Variants in L3MBTL1 observed in about 807,000 individuals in gnomAD.
L3MBTL1 encodes the protein lethal(3)malignant brain tumor-like protein 1.
In L3MBTL1, 75 loss-of-function variants were observed where a neutral mutation model predicts 105.3. The ratio of observed to expected loss-of-function variants is 0.71; its 90% CI spans 0.59 to 0.86. L3MBTL1 has a LOEUF of 0.86. Ranked by LOEUF, L3MBTL1 falls within the 40% of genes least tolerant of loss-of-function variation. L3MBTL1 has a pLI of 0.00. For synonymous variants in L3MBTL1, 452 were observed against 436.2 expected (o/e 1.04, Z -0.45); for missense variants, 1,069 against 1,126.4 (o/e 0.95, Z 0.73).
chr20:43,541,178 T>C lies in L3MBTL1; in HGVS notation c.*50T>C. On this transcript the variant is annotated 3_prime_UTR_variant, in exon 22 of 22. Transcript: ENST00000418998. ...CAATATAGTTGATAATTAAAGTGTA[T>C]TTTGAATGACACAGATATTGTGATT... is the stretch of plus-strand genomic sequence containing the variant. 2 of 1,584,686 alleles carry C rather than the reference T, an allele frequency of 1.3e-6. No individual in the cohort carries two copies. The highest frequency in any genetic ancestry group is 1.7e-6 in the Non-Finnish European group (2 of 1,162,022).
In L3MBTL1 at chr20:43,516,095, G is replaced by T; in HGVS notation, c.780G>T (p.Glu260Asp). The change falls in exon 7 of 22, where the codon GAG (glutamate) becomes GAT (aspartate). Residue 260 changes from glutamate (E) to aspartate (D), a missense_variant and splice_region_variant. Transcript: ENST00000418998. Reference protein sequence around the residue: ...SEEESEPEAMEKQEEGKDPEG... With the variant: ...SEEESEPEAMDKQEEGKDPEG... The stretch of plus-strand genomic sequence containing the variant: ...GGGATCAGGCTTGCCTTCTACAGGA[G>T]AAGCAAGAAGAAGGAAAGGACCCAG... 6.2e-7 allele frequency: 1 copy of T among 1,612,774 alleles called. No individual in the cohort carries two copies. The highest frequency in any genetic ancestry group is 8.5e-7 in the Non-Finnish European group (1 of 1,178,872).
intron 19 of L3MBTL1, among the ~76,000 whole-genome samples, chr20:43,538,498 G>A (rs2019745838): frequency 6.6e-6 from 1 of 152,204 alleles, no homozygotes; most frequent in East Asian, 1.9e-4. Context: ...GTCACTCTGG[G>A]TTTTGTTCCA....
rs1197487217 is a variant in L3MBTL1 at position 43,528,716 on chromosome 20, A to G, written c.922A>G (p.Ile308Val). 3.0e-5 allele frequency: 48 copies of G among 1,613,752 alleles called. No individual in the cohort carries two copies. The Admixed American group carries it at 7.8e-4, about 26-fold the overall frequency. The change falls in exon 8 of 22, where the codon ATT becomes GTT. Residue 308 changes from isoleucine (I) to valine (V), a missense_variant. Physicochemically the swap from Ile to Val is conservative, Grantham distance 29. Transcript: ENST00000418998. Reference sequence around the variant, plus strand: ...GTCCTACCTAGAGGAGCAGAAGGCCATTACTGCTCCAGTCAGCCTCTTCCA... The same window carrying G: ...GTCCTACCTAGAGGAGCAGAAGGCCGTTACTGCTCCAGTCAGCCTCTTCCA... The part of the protein sequence containing the change: ...WESYLEEQKA[I>V]TAPVSLFQDS...
At position 43,540,811 on chromosome 20, in the gene L3MBTL1, A is replaced by T. The variant is rs1484002046; in HGVS notation, c.2390A>T (p.Asp797Val). ...GCEDQARLFKDEARIVRVTHV... is the reference protein window; with the variant it reads ...GCEDQARLFKVEARIVRVTHV... The stretch of plus-strand genomic sequence containing the variant: ...GAGGACCAAGCACGCCTCTTCAAAG[A>T]CGAGGTAAGGTGCAAGTGCAGAGTG... Residue 797 changes from aspartate (D) to valine (V), a missense_variant, in exon 21 of 22, where the codon GAC (aspartate) becomes GTC (valine). By Grantham distance (152) the Asp-to-Val change is radical (BLOSUM62 -3). Transcript: ENST00000418998. 1 of 1,614,154 alleles carries T rather than the reference A, an allele frequency of 6.2e-7. No individual in the cohort carries two copies. Among genetic ancestry groups the T allele is most frequent in the South Asian group, 1.1e-5 (1 of 91,064 alleles).
At chr20:43,538,704 T>A (rs1340682764) in intron 19 of L3MBTL1, among the ~76,000 whole-genome samples, 1 of 152,176 alleles carries the variant, frequency 6.6e-6, no homozygotes, top group East Asian at 1.9e-4. Context: ...TGCAGTTAGA[T>A]AAGACACTGT....
rs75471272 is a variant in L3MBTL1, at chr20:43,530,386, G to A, written c.1159G>A (p.Glu387Lys). 2.8e-5 allele frequency: 46 copies of A among 1,614,152 alleles called. 1 individual carries two copies. The East Asian group carries it at 6.5e-4, about 23-fold the overall frequency. ...TGACATTCACCCTGCTGGCTGGTTCGAGAAGACGGGCCACAAGCTGCAGCC... is the reference window on the plus strand; with the variant it reads ...TGACATTCACCCTGCTGGCTGGTTCAAGAAGACGGGCCACAAGCTGCAGCC... ...SPDIHPAGWF[E>K]KTGHKLQPPK... Residue 387 changes from glutamate (E) to lysine (K), a missense_variant, in exon 10 of 22, where the codon GAG (glutamate) becomes AAG (lysine). Transcript: ENST00000418998.
At chr20:43,547,073 C>T (rs1371476099) in intron 18 of L3MBTL1, among the ~76,000 whole-genome samples, 4 of 151,054 alleles carry the variant, frequency 2.6e-5, no homozygotes, top group African/African-American at 9.7e-5. Context: ...AGAAGAGCCC[C>T]TCCCATCCTT....
At position 43,513,932 on chromosome 20, in the gene L3MBTL1, C is replaced by T. The variant is rs574463356; in HGVS notation, c.231C>T (p.Ala77=). Reference sequence around the variant, plus strand: ...ATGTGGGTGCCCCGGAGCAAGTGGCCGGCTGCGAACCAGTTTCTGCCACCG... The same window carrying T: ...ATGTGGGTGCCCCGGAGCAAGTGGCTGGCTGCGAACCAGTTTCTGCCACCG... The part of the protein sequence containing the change: ...PIHVGAPEQV[A]GCEPVSATVL... Residue 77 remains alanine, a synonymous_variant, in exon 3 of 22, where the codon GCC becomes GCT. Coordinates refer to ENST00000418998, the MANE Select transcript of L3MBTL1 (RefSeq NM_001377303.1). 81 of 1,550,250 alleles carry T rather than the reference C, an allele frequency of 5.2e-5. No individual in the cohort carries two copies. In the African/African-American group the frequency reaches 8.6e-4, roughly 16 times the overall value.
chr20:43,526,418 G>C (rs1379836149), intron 7 of L3MBTL1, among the ~76,000 whole-genome samples: 4 of 152,190 alleles, frequency 2.6e-5, no homozygotes, highest in Non-Finnish European at 5.9e-5. Flanking sequence ...TACTCAGTAA[G>C]AATGGAGGAA....
chr20:43,542,235 G>A (rs1269616229), downstream of L3MBTL1, among the ~76,000 whole-genome samples: 1 of 152,172 alleles, frequency 6.6e-6, no homozygotes, highest in African/African-American at 2.4e-5. Context: ...AAAGTAGTTG[G>A]CTCTTCTTGC....
At position 43,535,921 on chromosome 20, in the gene L3MBTL1, A is replaced by G; in HGVS notation, c.1910A>G (p.Tyr637Cys). 6.2e-7 allele frequency: 1 copy of G among 1,613,124 alleles called. No homozygotes were observed. Among genetic ancestry groups the G allele is most frequent in the Non-Finnish European group, 8.5e-7 (1 of 1,179,492 alleles). ...RSLPHTRTSKYSFHHRKCPTP... is the reference protein window; with the variant it reads ...RSLPHTRTSKCSFHHRKCPTP... ...CTGCCCCACACTAGGACCTCCAAAT[A>G]CAGCTTTCACCACCGGTGAGTGAAG... Residue 637 changes from tyrosine (Y) to cysteine (C), a missense_variant, in exon 17 of 22, where the codon TAC (tyrosine) becomes TGC (cysteine). Coordinates refer to ENST00000418998, the MANE Select transcript of L3MBTL1 (RefSeq NM_001377303.1).
intron 15 of L3MBTL1, 111 bp downstream of exon 15, chr20:43,534,505 C>T (rs1277060193): frequency 4.2e-5 from 35 of 837,384 alleles, no homozygotes; most frequent in Middle Eastern, 2.2e-4. Context: ...AGCCAAAGAT[C>T]TTGAATCTCA....
rs1469687596 is a variant in L3MBTL1, at chr20:43,515,123, C to T, written c.617C>T (p.Ser206Phe). Residue 206 changes from serine (S) to phenylalanine (F), a missense_variant, in exon 5 of 22, where the codon TCC (serine) becomes TTC (phenylalanine). Ser to Phe is a radical substitution (Grantham distance 155, BLOSUM62 -2). Transcript: ENST00000418998. ...PHQAAGPDLG[S>F]SNDGCPQLFQ... ...CAAGCCGCGGGTCCAGATCTTGGTT[C>T]CTCTAATGATGGCTGCCCTCAGCTG... The T allele has an allele frequency of 1.2e-6, 2 of 1,614,156 alleles. No homozygotes were observed. The highest frequency in any genetic ancestry group is 1.7e-6 in the Non-Finnish European group (2 of 1,180,002).
chr20:43,549,788 T>A (rs1160547110), exon 19 of L3MBTL1: 4 of 152,238 alleles, frequency 2.6e-5, no homozygotes, highest in African/African-American at 9.7e-5. Flanking sequence ...GGTGCAGATG[T>A]GAGGCTTAGT....
intron 1 of L3MBTL1, among the ~76,000 whole-genome samples, chr20:43,512,781 T>C (rs1412082944): frequency 6.6e-6 from 1 of 152,260 alleles, no homozygotes; most frequent in Non-Finnish European, 1.5e-5. Context: ...TTTATGTCTT[T>C]ACCTGTTGAA....
chr20:43,534,748 C>G, intron 15 of L3MBTL1, 80 bp from the exon 16 acceptor site: 6 of 980,716 alleles, frequency 6.1e-6, no homozygotes, highest in Non-Finnish European at 9.4e-6. Flanking sequence ...TCTGACAGGT[C>G]CCAGGGATGG....
intron 19 of L3MBTL1, among the ~76,000 whole-genome samples, chr20:43,536,942 G>A (rs1374588184): frequency 1.3e-5 from 2 of 152,200 alleles, no homozygotes; most frequent in African/African-American, 4.8e-5. Context: ...CATCTACTAT[G>A]GGCCAGGCAC....
At chr20:43,544,018 T>C (rs1978408275), downstream of L3MBTL1, among the ~76,000 whole-genome samples, 1 of 152,208 alleles carries the variant, frequency 6.6e-6, no homozygotes, top group African/African-American at 2.4e-5. Context: ...TGTAAGTTGT[T>C]GCTCCTGGTG....
At chr20:43,537,722 T>C (rs770579412) in intron 19 of L3MBTL1, among the ~76,000 whole-genome samples, 1 of 152,160 alleles carries the variant, frequency 6.6e-6, no homozygotes, top group Non-Finnish European at 1.5e-5. Flanking sequence ...TTGAATGGAA[T>C]GCATGTCATT....
Sources: gnomAD v4.1 joint callset for allele counts (sites outside exome capture counted in the v4.1 genomes callset) on GRCh38, gnomAD v4.1.1 for gene constraint, MANE v1.5 for transcripts, NCBI Gene and HGNC (gene_info 2026-07-23, HGNC 2026-07-21) for gene names.